STK31: variants seen among roughly 807,000 people sequenced by gnomAD.
STK31 encodes serine/threonine kinase 31.
In STK31, 89 loss-of-function variants were observed where a neutral mutation model predicts 129.7. The observed-to-expected ratio is 0.69, with a 90% CI of 0.58 to 0.82. The LOEUF is 0.82. Ranked by LOEUF, STK31 falls within the 40% of genes least tolerant of loss-of-function variation. The probability of loss-of-function intolerance (pLI) is 0.00; values close to 1 mark genes in which losing one functional copy is unlikely to be tolerated. For missense variants in STK31, 1,187 were observed against 1,176.4 expected (o/e 1.01, Z -0.13); for synonymous variants, 448 against 395.3 (o/e 1.13, Z -1.58).
At chr7:23,754,656 C>A (rs988153024) in intron 10 of STK31, among the ~76,000 whole-genome samples, 182 bp downstream of exon 10, 6 of 152,182 alleles carry the variant, frequency 3.9e-5, no homozygotes, top group African/African-American at 1.2e-4. Context: ...CTCACCCCCC[C>A]ATTTCCTAAC....
chr7:23,813,232 G>C (rs1221210846), intron 22 of STK31, among the ~76,000 whole-genome samples: 1 of 151,832 alleles, frequency 6.6e-6, no homozygotes, highest in East Asian at 1.9e-4. Context: ...GTACTTTGTA[G>C]TTCTGTAACT....
In STK31 at chr7:23,720,497, A is replaced by G. The variant is rs528838769; in HGVS notation, c.249+2918A>G. ...CGTAACAATTTTTTTTTCAAACCAAATGCTTTATATAGTGAACTACAGGAA... is the reference window on the plus strand; with the variant it reads ...CGTAACAATTTTTTTTTCAAACCAAGTGCTTTATATAGTGAACTACAGGAA... On this transcript the variant is annotated intron_variant, in intron 4 of 23. Transcript: ENST00000355870. 1.1e-3 allele frequency among the ~76,000 whole-genome samples: 168 copies of G among 152,260 alleles called. 1 individual carries two copies. The highest frequency in any genetic ancestry group is 2.0e-3 in the Non-Finnish European group (137 of 67,992).
chr7:23,710,161 C>T (rs1224764141), upstream of STK31: 3 of 1,544,902 alleles, frequency 1.9e-6, no homozygotes, highest in African/African-American at 1.4e-5. Context: ...CCACGTGACT[C>T]CCGCTAACAC....
chr7:23,779,766 G>T (rs1037051788), intron 15 of STK31, among the ~76,000 whole-genome samples: 2 of 152,222 alleles, frequency 1.3e-5, no homozygotes, highest in Non-Finnish European at 2.9e-5. Flanking sequence ...ATCTTAGCTT[G>T]CTGGGCCCCA....
chr7:23,797,646 A>G (rs910922813), intron 22 of STK31, among the ~76,000 whole-genome samples: 12 of 152,236 alleles, frequency 7.9e-5, no homozygotes, highest in Admixed American at 7.9e-4. Flanking sequence ...CTAAATGCCC[A>G]CAGGAGAAAG....
At chr7:23,763,944 C>T (rs1229815323) in intron 11 of STK31, among the ~76,000 whole-genome samples, 1 of 152,116 alleles carries the variant, frequency 6.6e-6, no homozygotes. Context: ...TGACCAGTAG[C>T]TAATATCGAT....
chr7:23,716,149 A>G (rs2128061565), intron 3 of STK31, among the ~76,000 whole-genome samples: 1 of 152,200 alleles, frequency 6.6e-6, no homozygotes, highest in East Asian at 1.9e-4. Context: ...GTTTCCTTTA[A>G]CCTCTGAATG....
intron 10 of STK31, among the ~76,000 whole-genome samples, chr7:23,761,195 T>C (rs1336328815): frequency 6.6e-6 from 1 of 152,198 alleles, no homozygotes; most frequent in African/African-American, 2.4e-5. Context: ...CAGATGTGAC[T>C]TTTTTTGAAA....
intron 22 of STK31, among the ~76,000 whole-genome samples, chr7:23,804,853 T>C (rs1435432697): frequency 6.6e-6 from 1 of 152,098 alleles, no homozygotes; most frequent in Non-Finnish European, 1.5e-5. Flanking sequence ...ATCTTAAATC[T>C]CCAGTGGGTT....
chr7:23,749,531 T>A (rs11972815), intron 8 of STK31, among the ~76,000 whole-genome samples: 3 of 145,244 alleles, frequency 2.1e-5, no homozygotes, highest in South Asian at 2.1e-4. Context: ...TTTTTTTTTT[T>A]GGGGGTAGAG....
Position 23,769,649 on chromosome 7 carries a change from C to CAA in STK31, c.1606_1607insAA (p.Leu536GlnfsTer8). ...TATTTTTGCAAATGAGGTTTTTGAC[C>CAA]TATCTGTGGAAGGATCACTGATTTC... On this transcript the variant is annotated frameshift_variant, in exon 13 of 24. Transcript: ENST00000355870. LOFTEE classifies it high-confidence loss of function. The CAA allele has an allele frequency of 6.2e-7, 1 of 1,603,494 alleles. No individual in the cohort carries two copies. Among genetic ancestry groups the CAA allele is most frequent in the Non-Finnish European group, 8.5e-7 (1 of 1,174,506 alleles).
intron 6 of STK31, among the ~76,000 whole-genome samples, chr7:23,730,968 T>TCC (rs1221089102): frequency 6.9e-6 from 1 of 144,386 alleles, no homozygotes; most frequent in African/African-American, 2.5e-5. Flanking sequence ...CACTGCAACC[T>TCC]CCGCCTCTTG....
chr7:23,822,866 G>A (rs920637998), intron 23 of STK31, among the ~76,000 whole-genome samples: 1 of 152,218 alleles, frequency 6.6e-6, no homozygotes, highest in South Asian at 2.1e-4. Context: ...TTGTCCTTGC[G>A]ATAGTTTGCT....
At position 23,815,700 on chromosome 7, in the gene STK31, G is replaced by T. The variant is rs559508257; in HGVS notation, c.2829+488G>T. Among the ~76,000 whole-genome samples, 5 of 152,202 alleles carry T rather than the reference G, an allele frequency of 3.3e-5. No homozygotes were observed. The East Asian group carries it at 9.6e-4, about 29-fold the overall frequency. ...TTAACATCTATAAGTTGAGTAATTA[G>T]CAAGTACTTTGGGGGTACTCCATTT... On this transcript the variant is annotated intron_variant, in intron 23 of 23. Transcript: ENST00000355870.
chr7:23,769,078 C>T lies in STK31; in HGVS notation c.1500C>T (p.Asp500=). ...NSDEILKKFY[D]WKCDKREEFT... is the part of the protein sequence containing the mutation. ...ATGAAATACTTAAAAAATTTTATGA[C>T]TGGAAGTGTGATAAAAGAGAGGAGT... Residue 500 remains aspartate, a synonymous_variant, in exon 12 of 24, where the codon GAC becomes GAT. Transcript: ENST00000355870. 1 of 1,613,242 alleles carries T rather than the reference C, an allele frequency of 6.2e-7. No homozygotes were observed. Among genetic ancestry groups the T allele is most frequent in the Non-Finnish European group, 8.5e-7 (1 of 1,179,438 alleles).
chr7:23,754,866 A>G (rs4722270), intron 10 of STK31, among the ~76,000 whole-genome samples: 37,796 of 152,104 alleles, frequency 0.25, 5,045 homozygotes, highest in East Asian at 0.39. Context: ...TCCATGGTGT[A>G]TATGTACCAC....
chr7:23,823,853 G>A (rs148354707), intron 23 of STK31, among the ~76,000 whole-genome samples: 9,068 of 152,206 alleles, frequency 0.06, 394 homozygotes, highest in East Asian at 0.12. Context: ...ATTAAATAGG[G>A]AATCCTTTCC....
rs1343535584 is a variant in STK31, at chr7:23,736,852, G to C, written c.843-52G>C. On this transcript the variant is annotated intron_variant, in intron 7 of 23. Coordinates refer to ENST00000355870, the MANE Select transcript of STK31 (RefSeq NM_031414.5). ...CCAAGATAACTTAGATTTGTTTTCTGTGTCAGCCTTATACAGTTTGTTTGT... is the reference window on the plus strand; with the variant it reads ...CCAAGATAACTTAGATTTGTTTTCTCTGTCAGCCTTATACAGTTTGTTTGT... The C allele has an allele frequency of 2.9e-6, 4 of 1,402,094 alleles. No individual in the cohort carries two copies. The African/African-American group carries it at 4.4e-5, about 15-fold the overall frequency. The allele number at this position is 1,402,094 out of a possible 1,614,324, so 86.9% of individuals were successfully genotyped here.
At chr7:23,819,817 G>T (rs553552629) in intron 23 of STK31, among the ~76,000 whole-genome samples, 1 of 152,186 alleles carries the variant, frequency 6.6e-6, no homozygotes, top group African/African-American at 2.4e-5. Context: ...TCATTTACAT[G>T]TTCTAATACA....
Sources: gnomAD v4.1 joint callset for allele counts (sites outside exome capture counted in the v4.1 genomes callset) on GRCh38, gnomAD v4.1.1 for gene constraint, MANE v1.5 for transcripts, NCBI Gene and HGNC (gene_info 2026-07-23, HGNC 2026-07-21) for gene names.